The following PKD1L1 variants were observed in gnomAD, a reference collection of about 807,000 sequenced individuals.
The protein encoded by PKD1L1 is polycystin-1-like protein 1.
In PKD1L1, 236 loss-of-function variants were observed where a neutral mutation model predicts 323.4. That is an observed-to-expected ratio of 0.73 (90% CI 0.66 to 0.81). The LOEUF (loss-of-function observed/expected upper bound fraction) is 0.81, where lower values mean the gene tolerates loss of function less well. PKD1L1 is among the 40% of genes least tolerant of loss of function. The probability of loss-of-function intolerance (pLI) is 0.00; values close to 1 mark genes in which losing one functional copy is unlikely to be tolerated. For missense variants in PKD1L1, 3,320 were observed against 3,508.0 expected, an observed-to-expected ratio of 0.95 and a Z score of 1.35; for synonymous variants, 1,344 against 1,335.0, an observed-to-expected ratio of 1.01 and a Z score of -0.15.
intron 5 of PKD1L1, 116 bp downstream of exon 5, chr7:47,931,820 T>C: frequency 1.5e-6 from 2 of 1,326,282 alleles, no homozygotes; most frequent in Non-Finnish European, 2.0e-6. Flanking sequence ...AAATGCAAAA[T>C]ATGGTTCACT....
At chr7:47,949,368 C>CAAAA (rs58131581), upstream of PKD1L1, among the ~76,000 whole-genome samples, 3 of 57,138 alleles carry the variant, frequency 5.3e-5, no homozygotes, top group East Asian at 5.1e-4. Flanking sequence ...GGCTCTGTCT[C>CAAAA]AAAAAAAAAA....
chr7:47,955,572 A>C, the PKD1L1 span, among the ~76,000 whole-genome samples: 2 of 152,350 alleles, frequency 1.3e-5, no homozygotes, highest in Admixed American at 1.3e-4. Flanking sequence ...TTGCCATATC[A>C]GTACACTTTT....
intron 30 of PKD1L1, among the ~76,000 whole-genome samples, chr7:47,853,637 G>T (rs1406364430): frequency 1.3e-5 from 2 of 151,974 alleles, no homozygotes; most frequent in Non-Finnish European, 2.9e-5. Context: ...CAACTACTCG[G>T]GAGGCTGAGG....
chr7:47,793,144 T>C (rs182820860), intron 55 of PKD1L1, among the ~76,000 whole-genome samples: 1 of 152,210 alleles, frequency 6.6e-6, no homozygotes, highest in African/African-American at 2.4e-5. Context: ...TAAATCTTTA[T>C]TGAGCACTAT....
intron 55 of PKD1L1, 55 bp downstream of exon 55, chr7:47,795,934 C>T: frequency 5.1e-6 from 8 of 1,554,020 alleles, no homozygotes; most frequent in Non-Finnish European, 7.0e-6. Context: ...TGCAATGAAA[C>T]CATCATCTTG....
At chr7:47,959,351 G>A in the PKD1L1 span, among the ~76,000 whole-genome samples, 1 of 148,720 alleles carries the variant, frequency 6.7e-6, no homozygotes, top group South Asian at 2.2e-4. Flanking sequence ...GTCTCTGCCC[G>A]GCCGCCATCC....
intron 56 of PKD1L1, among the ~76,000 whole-genome samples, chr7:47,789,520 C>G (rs73103428): frequency 0.12 from 18,679 of 152,050 alleles, 1,356 homozygotes; most frequent in Non-Finnish European, 0.14. Context: ...ATTATACTTT[C>G]ATTCTTTCAA....
chr7:47,883,048 T>C (rs984958540), intron 19 of PKD1L1, among the ~76,000 whole-genome samples: 16 of 152,120 alleles, frequency 1.1e-4, no homozygotes, highest in Non-Finnish European at 2.4e-4. Context: ...GGAGGAATAA[T>C]TTTATAAATG....
chr7:47,875,200 C>G (rs1786377963), intron 23 of PKD1L1, among the ~76,000 whole-genome samples: 1 of 152,184 alleles, frequency 6.6e-6, no homozygotes, highest in Non-Finnish European at 1.5e-5. Context: ...TCAAAATGCC[C>G]TGCTCAGAAG....
At position 47,877,706 on chromosome 7, in the gene PKD1L1, T is replaced by C. The variant is rs917324427; in HGVS notation, c.3521-75A>G. On this transcript the variant is annotated intron_variant, in intron 21 of 56. Coordinates refer to ENST00000289672, the MANE Select transcript of PKD1L1 (RefSeq NM_138295.5). The stretch of plus-strand genomic sequence containing the variant: ...CAGCATAGGAATAAGTTTTTATAGA[T>C]AAACCTTATAGCAGGGGTTCTCAAA... The C allele has an allele frequency of 1.1e-5, 16 of 1,510,462 alleles. No homozygotes were observed. The African/African-American group carries it at 1.8e-4, about 17-fold the overall frequency. 93.6% of individuals were successfully genotyped at this position (1,510,462 alleles called of 1,614,324 possible).
intron 40 of PKD1L1, 137 bp downstream of exon 40, chr7:47,834,202 G>T: frequency 7.8e-6 from 7 of 892,536 alleles, no homozygotes; most frequent in Non-Finnish European, 1.2e-5. Flanking sequence ...GTCTTGCATT[G>T]ATCTTTTCCT....
chr7:47,881,800 A>G, intron 20 of PKD1L1, 109 bp downstream of exon 20: 1 of 1,085,342 alleles, frequency 9.2e-7, no homozygotes, highest in Non-Finnish European at 1.3e-6. Flanking sequence ...AGGTACCACA[A>G]TTCTAAATAC....
intron 13 of PKD1L1, among the ~76,000 whole-genome samples, chr7:47,898,553 T>G (rs1787010993): frequency 6.6e-6 from 1 of 152,086 alleles, no homozygotes; most frequent in Non-Finnish European, 1.5e-5. Context: ...TGCTTCTGGG[T>G]TTTGGCACCT....
At chr7:47,922,038 C>G (rs1358350883) in intron 7 of PKD1L1, among the ~76,000 whole-genome samples, 2 of 152,314 alleles carry the variant, frequency 1.3e-5, no homozygotes, top group African/African-American at 2.4e-5. Context: ...TCAGCCTGCC[C>G]AGTGCCTGGG....
intron 21 of PKD1L1, 127 bp downstream of exon 21, chr7:47,880,601 T>A (rs545892986): frequency 2.2e-4 from 113 of 503,426 alleles, no homozygotes; most frequent in Non-Finnish European, 3.1e-4. Flanking sequence ...TGTAATTTTT[T>A]AAAAAGGCAA....
intron 31 of PKD1L1, among the ~76,000 whole-genome samples, chr7:47,850,580 C>T (rs970049147): frequency 3.1e-5 from 4 of 130,294 alleles, no homozygotes; most frequent in Admixed American, 9.0e-5. Flanking sequence ...TGCAGTGAGC[C>T]GAGATCACAC....
intron 17 of PKD1L1, 64 bp downstream of exon 17, chr7:47,887,926 C>A: frequency 6.7e-7 from 1 of 1,491,564 alleles, no homozygotes; most frequent in Admixed American, 1.9e-5. Flanking sequence ...AACATTTTAG[C>A]AATCTCACAA....
At chr7:47,931,369 G>A in intron 5 of PKD1L1, 48 bp from the exon 6 acceptor site, 2 of 1,575,722 alleles carry the variant, frequency 1.3e-6, no homozygotes, top group Non-Finnish European at 8.7e-7. Flanking sequence ...GCCTCGTCTG[G>A]CATCAGTAGC....
intron 24 of PKD1L1, among the ~76,000 whole-genome samples, chr7:47,872,731 G>A (rs1562967064): frequency 6.6e-6 from 1 of 152,134 alleles, no homozygotes; most frequent in Non-Finnish European, 1.5e-5. Context: ...CTCATACCTC[G>A]TTAGTGGGAA....
Sources: gnomAD v4.1 joint callset for allele counts (sites outside exome capture counted in the v4.1 genomes callset) on GRCh38, gnomAD v4.1.1 for gene constraint, MANE v1.5 for transcripts, NCBI Gene and HGNC (gene_info 2026-07-23, HGNC 2026-07-21) for gene names.